NFIC: variants seen among roughly 807,000 people sequenced by gnomAD.
NFIC encodes the protein nuclear factor 1 C-type.
Under a neutral mutation model 54.4 loss-of-function variants are expected in NFIC, and 12 were observed. The observed-to-expected ratio is 0.22, with a 90% CI of 0.14 to 0.36. The LOEUF is 0.36. NFIC is among the 10% of genes least tolerant of loss of function. The pLI is 1.00. For missense variants in NFIC, 575 were observed against 718.2 expected (o/e 0.80, Z 2.28); for synonymous variants, 322 against 319.2 (o/e 1.01, Z -0.09).
chr19:3,380,840 GATGGGGTTTTACCAT>G (rs2145471782), intron 1 of NFIC, among the ~76,000 whole-genome samples: 1 of 152,012 alleles, frequency 6.6e-6, no homozygotes, highest in South Asian at 2.1e-4. Flanking sequence ...GTTTTGTAGC[GATGGGGTTTTACCAT>G]ATGGCTCAGA....
rs1325490136 is a variant in NFIC at position 3,404,009 on chromosome 19, A to AC, written c.563-21090dup. On this transcript the variant is annotated intron_variant, in intron 2 of 10. Transcript: ENST00000443272. Reference sequence around the variant, plus strand: ...TGTGGCTCCCGGGGCTCCCTTCTCCACCCCCCCAGCCCCTGGCCTGCCCCT... The same window carrying AC: ...TGTGGCTCCCGGGGCTCCCTTCTCCACCCCCCCCAGCCCCTGGCCTGCCCCT... Among the ~76,000 whole-genome samples, 5 of 128,986 alleles carry AC rather than the reference A, an allele frequency of 3.9e-5. No individual in the cohort carries two copies. The South Asian group carries it at 7.4e-4, about 19-fold the overall frequency. The allele number at this position is 128,986 out of a possible 152,430, so 84.6% of individuals were successfully genotyped here.
intron 2 of NFIC, among the ~76,000 whole-genome samples, chr19:3,410,243 TG>T (rs1377464206): frequency 6.6e-6 from 1 of 152,124 alleles, no homozygotes; most frequent in African/African-American, 2.4e-5. Context: ...GGTTTTACCG[TG>T]TTAGCTAGGA....
At chr19:3,416,582 C>T (rs868183733) in intron 2 of NFIC, among the ~76,000 whole-genome samples, 53 of 151,484 alleles carry the variant, frequency 3.5e-4, no homozygotes, top group African/African-American at 1.2e-3. Flanking sequence ...AATGCAATGG[C>T]GTGATCTCGG....
chr19:3,372,425 G>C (rs116794878), intron 1 of NFIC, among the ~76,000 whole-genome samples: 2,800 of 152,240 alleles, frequency 0.018, 81 homozygotes, highest in African/African-American at 0.062. Context: ...GCATGGATAA[G>C]GGGGGTCCCA....
At chr19:3,372,705 A>ATTG (rs2081041371) in intron 1 of NFIC, among the ~76,000 whole-genome samples, 1 of 85,766 alleles carries the variant, frequency 1.2e-5, no homozygotes, top group Admixed American at 1.1e-4. Context: ...GGGGCCCAGG[A>ATTG]GTGGGGTGGG....
At chr19:3,360,766 A>G (rs968157917) in intron 1 of NFIC, among the ~76,000 whole-genome samples, 1 of 152,170 alleles carries the variant, frequency 6.6e-6, no homozygotes, top group African/African-American at 2.4e-5. Context: ...TTGTGAAACT[A>G]TGGCTGGGCT....
intron 2 of NFIC, among the ~76,000 whole-genome samples, chr19:3,384,987 C>T (rs968210910): frequency 4.6e-5 from 7 of 151,536 alleles, no homozygotes; most frequent in Non-Finnish European, 8.8e-5. Flanking sequence ...TTTTCTGCTG[C>T]AGTCAGCACA....
At chr19:3,359,785 G>T in intron 1 of NFIC, 1 of 1,252,544 alleles carries the variant, frequency 8.0e-7, no homozygotes, top group Non-Finnish European at 1.0e-6. Flanking sequence ...CAGGGGGCGG[G>T]GGCCGCCCGG....
intron 1 of NFIC, among the ~76,000 whole-genome samples, chr19:3,379,100 C>A: frequency 6.6e-6 from 1 of 152,110 alleles, no homozygotes; most frequent in East Asian, 1.9e-4. Context: ...CGCCCTGTCA[C>A]CCAGGCTGGA....
rs1165715089 is a variant in NFIC, at chr19:3,467,639, A to G, written c.*4870A>G. 1 of 150,950 alleles carries G rather than the reference A, an allele frequency of 6.6e-6. No individual in the cohort carries two copies. The highest frequency in any genetic ancestry group is 1.5e-5 in the Non-Finnish European group (1 of 67,798). 9.4% of individuals were successfully genotyped at this position (150,950 alleles called of 1,614,324 possible). On this transcript the variant is annotated 3_prime_UTR_variant, in exon 11 of 11. Coordinates refer to ENST00000443272, the MANE Select transcript of NFIC (RefSeq NM_001245002.2). ...TGGCTGCACCCCACTGTCCCTTGCAAGACAGGTTCTGGAGCCAGGAGCAAC... is the reference window on the plus strand; with the variant it reads ...TGGCTGCACCCCACTGTCCCTTGCAGGACAGGTTCTGGAGCCAGGAGCAAC...
intron 2 of NFIC, among the ~76,000 whole-genome samples, chr19:3,394,655 C>T (rs545390084): frequency 2.0e-5 from 3 of 151,562 alleles, no homozygotes; most frequent in South Asian, 2.1e-4. Context: ...CAGGGGTTCC[C>T]GACCCCCGGG....
At chr19:3,402,673 G>C (rs905463080) in intron 2 of NFIC, among the ~76,000 whole-genome samples, 2 of 152,212 alleles carry the variant, frequency 1.3e-5, no homozygotes, top group African/African-American at 4.8e-5. Flanking sequence ...AGGGTAGCCA[G>C]AGGCTGCTTG....
intron 10 of NFIC, among the ~76,000 whole-genome samples, chr19:3,461,646 C>T (rs2082640610): frequency 6.6e-6 from 1 of 151,692 alleles, no homozygotes; most frequent in African/African-American, 2.4e-5. Flanking sequence ...TCACTTGAAC[C>T]CAGGAAGCGG....
chr19:3,366,306 G>A (rs2080880995), upstream of NFIC, among the ~76,000 whole-genome samples: 2 of 140,134 alleles, frequency 1.4e-5, no homozygotes, highest in African/African-American at 2.7e-5. Context: ...TTTTTCCCTC[G>A]TTTCTTTGAA....
At chr19:3,392,549 C>T (rs115972665) in intron 2 of NFIC, among the ~76,000 whole-genome samples, 1,788 of 152,274 alleles carry the variant, frequency 0.012, 41 homozygotes, top group African/African-American at 0.041. Context: ...CCTGAGGGAG[C>T]CCTCATTCAC....
chr19:3,381,854 A>G lies in NFIC; in HGVS notation c.173A>G (p.Lys58Arg). 1 of 1,614,012 alleles carries G rather than the reference A, an allele frequency of 6.2e-7. No homozygotes were observed. The highest frequency in any genetic ancestry group is 8.5e-7 in the Non-Finnish European group (1 of 1,179,958). ...RMSKDEERAV[K>R]DELLGEKPEV... Reference sequence around the variant, plus strand: ...TCGAAGGACGAGGAGCGTGCGGTCAAGGACGAGCTGCTGGGCGAGAAGCCC... The same window carrying G: ...TCGAAGGACGAGGAGCGTGCGGTCAGGGACGAGCTGCTGGGCGAGAAGCCC... The change falls in exon 2 of 11, where the codon AAG becomes AGG. Residue 58 changes from lysine (K) to arginine (R), a missense_variant. Around this residue, in one of 3 missense-constraint regions of NFIC, gnomAD observed 122 missense variants for 158.0 expected, o/e 0.77. Coordinates refer to ENST00000443272, the MANE Select transcript of NFIC (RefSeq NM_001245002.2).
At chr19:3,362,983 A>C (rs971111193), upstream of NFIC, among the ~76,000 whole-genome samples, 4 of 151,966 alleles carry the variant, frequency 2.6e-5, no homozygotes, top group Non-Finnish European at 5.9e-5. Flanking sequence ...TTAATTACTG[A>C]AGCCATTAGT....
rs544464293 is a variant in NFIC at position 3,462,831 on chromosome 19, C to T, written c.*62C>T. On this transcript the variant is annotated 3_prime_UTR_variant, in exon 11 of 11. Coordinates refer to ENST00000443272, the MANE Select transcript of NFIC (RefSeq NM_001245002.2). ...CAGGAATCCCAGGGGGCAGCACAGCCGGCCCCCGGCCCACGTTTTCGGTGG... is the reference window on the plus strand; with the variant it reads ...CAGGAATCCCAGGGGGCAGCACAGCTGGCCCCCGGCCCACGTTTTCGGTGG... 100 of 1,611,270 alleles carry T rather than the reference C, an allele frequency of 6.2e-5. No individual in the cohort carries two copies. In the South Asian group the frequency reaches 1.0e-3, roughly 17 times the overall value.
chr19:3,417,400 T>G (rs962125213), intron 2 of NFIC, among the ~76,000 whole-genome samples: 16 of 152,092 alleles, frequency 1.1e-4, no homozygotes, highest in Non-Finnish European at 1.8e-4. Context: ...ATTGAGCAGA[T>G]TTAATCAGAT....
Sources: allele counts gnomAD v4.1 joint callset (sites outside exome capture counted in the v4.1 genomes callset), GRCh38; gene constraint gnomAD v4.1.1; regional missense constraint gnomAD v4.1.1; transcripts MANE v1.5; gene names NCBI Gene and HGNC (gene_info 2026-07-23, HGNC 2026-07-21).